SAFB: variants seen among roughly 807,000 people sequenced by gnomAD.
SAFB encodes scaffold attachment factor B, also known as scaffold attachment factor B1.
A neutral mutation model predicts 101.6 loss-of-function variants in SAFB; 15 were observed. The ratio of observed to expected loss-of-function variants is 0.15; its 90% CI spans 0.10 to 0.23. SAFB has a LOEUF of 0.23. Among genes scored for constraint, SAFB ranks in the 10% least tolerant of loss-of-function variants. The probability of loss-of-function intolerance (pLI) is 1.00; values close to 1 mark genes in which losing one functional copy is unlikely to be tolerated. For synonymous variants in SAFB, 449 were observed against 407.5 expected (o/e 1.10, Z -1.23); for missense variants, 930 against 1,104.1 (o/e 0.84, Z 2.23).
Position 5,654,242 on chromosome 19 carries a change from TG to T in SAFB, c.1666+43del. On this transcript the variant is annotated intron_variant, in intron 12 of 20. Coordinates refer to ENST00000588852, the MANE Select transcript of SAFB (RefSeq NM_001201338.2). The stretch of plus-strand genomic sequence containing the variant: ...CCCAGGAGATTCTGTCTTGTTTCTG[TG>T]CCTAGTGGAGTTTGTTAGTTTGCTG... 1.9e-6 allele frequency: 3 copies of T among 1,609,664 alleles called. No homozygotes were observed. In the South Asian group the frequency reaches 3.3e-5, roughly 18 times the overall value.
chr19:5,637,126 C>T (rs1381864874), intron 2 of SAFB, among the ~76,000 whole-genome samples: 1 of 150,684 alleles, frequency 6.6e-6, no homozygotes, highest in Admixed American at 6.6e-5. Flanking sequence ...GGGTGGATCA[C>T]GAGGTCAGGA....
At chr19:5,624,135 T>C (rs897391461) in intron 1 of SAFB, 4 of 150,128 alleles carry the variant, frequency 2.7e-5, no homozygotes, top group African/African-American at 9.8e-5. Flanking sequence ...TCCGTCAGTC[T>C]CTCTGGACTT....
intron 17 of SAFB, chr19:5,665,056 G>C (rs1007262787): frequency 3.3e-5 from 5 of 152,862 alleles, no homozygotes; most frequent in African/African-American, 1.2e-4. Context: ...CTGTGTGGAA[G>C]ATGCCTCCTC....
In SAFB at chr19:5,667,426, G is replaced by A; in HGVS notation, c.2533G>A (p.Asp845Asn). ...GGGCACGGCCGACGGGGGCATGATG[G>A]ACAGGGATCACAAGAGGTGGCAAGG... is the stretch of plus-strand genomic sequence containing the variant. The part of the protein sequence containing the change: ...WQGTADGGMM[D>N]RDHKRWQGGE... The change falls in exon 19 of 21, where the codon GAC becomes AAC. Residue 845 changes from aspartate (D) to asparagine (N), a missense_variant. Transcript: ENST00000588852. This position sits in a 1 kb window ranked among gnomAD's most constrained non-coding sequence, Gnocchi z 4.0. The A allele has an allele frequency of 6.6e-7, 1 of 1,519,722 alleles. No individual in the cohort carries two copies. Among genetic ancestry groups the A allele is most frequent in the Non-Finnish European group, 8.8e-7 (1 of 1,139,018 alleles). The allele number at this position is 1,519,722 out of a possible 1,614,324, so 94.1% of individuals were successfully genotyped here.
Position 5,654,355 on chromosome 19 carries a change from G to A in SAFB, c.1667-13G>A, listed in dbSNP as rs892797357. 2.1e-5 allele frequency: 34 copies of A among 1,604,968 alleles called. No homozygotes were observed. Among genetic ancestry groups the A allele is most frequent in the Middle Eastern group, 1.7e-4 (1 of 6,054 alleles). On this transcript the variant is annotated splice_polypyrimidine_tract_variant and intron_variant, in intron 12 of 20. Coordinates refer to ENST00000588852, the MANE Select transcript of SAFB (RefSeq NM_001201338.2). The stretch of plus-strand genomic sequence containing the variant: ...TTGGTTTTCCACTTACACTTTCCCC[G>A]TCTTTTCTGTAGGAAGTCGAGGGAC...
chr19:5,651,102 A>G lies in SAFB; in HGVS notation c.1293+30A>G, dbSNP rs756430982. The G allele has an allele frequency of 2.1e-6, 3 of 1,432,434 alleles. No homozygotes were observed. In the South Asian group the frequency reaches 3.6e-5, roughly 17 times the overall value. The allele number at this position is 1,432,434 out of a possible 1,614,324, so 88.7% of individuals were successfully genotyped here. ...GTGCCAGAGCTTTTCTGGAGAAGATACTTTGAAACCAGCGTTGTGTGGCCT... is the reference window on the plus strand; with the variant it reads ...GTGCCAGAGCTTTTCTGGAGAAGATGCTTTGAAACCAGCGTTGTGTGGCCT... On this transcript the variant is annotated intron_variant, in intron 9 of 20. Transcript: ENST00000588852.
At chr19:5,654,578 T>G (rs1599367264) in intron 13 of SAFB, 122 bp downstream of exon 13, 1 of 728,640 alleles carries the variant, frequency 1.4e-6, no homozygotes, top group East Asian at 2.5e-5. Flanking sequence ...TTCGAAAATG[T>G]AGAAATCTCA....
At chr19:5,660,342 C>CTTTTTTTTTTTTTTTT (rs11360129) in intron 14 of SAFB, among the ~76,000 whole-genome samples, 1 of 50,904 alleles carries the variant, frequency 2.0e-5, no homozygotes, top group Non-Finnish European at 3.5e-5. Context: ...CTGCACACAC[C>CTTTTTTTTTTTTTTTT]TTTTTTTTTT....
Position 5,657,254 on chromosome 19 carries a change from A to G in SAFB, c.1769A>G (p.Gln590Arg), listed in dbSNP as rs768912320. Reference sequence around the variant, plus strand: ...TTGGTGAACTAGGCTTCCAAAAGCCAGGATCGCAAATCAGCCAGCAGAGAG... The same window carrying G: ...TTGGTGAACTAGGCTTCCAAAAGCCGGGATCGCAAATCAGCCAGCAGAGAG... ...SGSKERASKS[Q>R]DRKSASREKR... is the part of the protein sequence containing the mutation. Residue 590 changes from glutamine (Q) to arginine (R), a missense_variant, in exon 14 of 21, where the codon CAG becomes CGG. Physicochemically the swap from Gln to Arg is conservative, Grantham distance 43 (BLOSUM62 1). Coordinates refer to ENST00000588852, the MANE Select transcript of SAFB (RefSeq NM_001201338.2). The G allele has an allele frequency of 6.2e-7, 1 of 1,613,936 alleles. No homozygotes were observed. Among genetic ancestry groups the G allele is most frequent in the Admixed American group, 1.7e-5 (1 of 60,014 alleles).
chr19:5,655,296 AG>A (rs1461235206), intron 13 of SAFB, among the ~76,000 whole-genome samples: 1 of 151,980 alleles, frequency 6.6e-6, no homozygotes, highest in Non-Finnish European at 1.5e-5. Flanking sequence ...CATCTTCACA[AG>A]AAATTTAAAA....
intron 14 of SAFB, among the ~76,000 whole-genome samples, chr19:5,660,228 C>T (rs370454000): frequency 6.6e-6 from 1 of 151,620 alleles, no homozygotes; most frequent in African/African-American, 2.4e-5. Flanking sequence ...TGTACATCCT[C>T]CTGTACACTT....
intron 2 of SAFB, among the ~76,000 whole-genome samples, chr19:5,638,443 C>G (rs993684857): frequency 2.0e-5 from 3 of 152,202 alleles, no homozygotes; most frequent in East Asian, 3.9e-4. Flanking sequence ...GTCAACCCCC[C>G]CACCGAGTAG....
chr19:5,661,800 C>G lies in SAFB; in HGVS notation c.2145C>G (p.Asp715Glu). ...ERRPAVRRPY[D>E]LDRRDDAYWP... is the part of the protein sequence containing the mutation. ...GGCCCGCGGTGCGGCGGCCCTACGACCTGGACCGGTAAGCAGATCCATGCT... is the reference window on the plus strand; with the variant it reads ...GGCCCGCGGTGCGGCGGCCCTACGAGCTGGACCGGTAAGCAGATCCATGCT... The change falls in exon 15 of 21, where the codon GAC becomes GAG. Residue 715 changes from aspartate (D) to glutamate (E), a missense_variant. Asp to Glu is a conservative substitution (Grantham distance 45). This residue lies in a region of SAFB where 318 missense variants were observed against 342.6 expected (regional missense o/e 0.93). Coordinates refer to ENST00000588852, the MANE Select transcript of SAFB (RefSeq NM_001201338.2). 2.6e-6 allele frequency: 4 copies of G among 1,545,132 alleles called. No individual in the cohort carries two copies. In the African/African-American group the frequency reaches 4.1e-5, roughly 16 times the overall value.
At position 5,636,290 on chromosome 19, in the gene SAFB, G is replaced by A. The variant is rs560952767; in HGVS notation, c.275-5304G>A. 3.9e-5 allele frequency among the ~76,000 whole-genome samples: 6 copies of A among 152,162 alleles called. 1 individual carries two copies. The highest frequency in any genetic ancestry group is 8.8e-5 in the Non-Finnish European group (6 of 67,954). ...TTTCCTATTATCTGGAATAGGATTGGACAGAAACCAACGTACGTATCATAG... is the reference window on the plus strand; with the variant it reads ...TTTCCTATTATCTGGAATAGGATTGAACAGAAACCAACGTACGTATCATAG... On this transcript the variant is annotated intron_variant, in intron 2 of 20. Transcript: ENST00000588852.
At chr19:5,645,607 T>C (rs2053811542) in intron 5 of SAFB, among the ~76,000 whole-genome samples, 1 of 152,202 alleles carries the variant, frequency 6.6e-6, no homozygotes, top group African/African-American at 2.4e-5. Flanking sequence ...CTTCGACGAG[T>C]GGCCTCCAAG....
chr19:5,640,932 CTT>C (rs60475807), intron 2 of SAFB, among the ~76,000 whole-genome samples: 8,643 of 138,170 alleles, frequency 0.063, 302 homozygotes, highest in Middle Eastern at 0.099. Flanking sequence ...TTTTGTTTTT[CTT>C]TTTTTTTTTT....
chr19:5,626,640 A>G lies in SAFB; in HGVS notation c.274+151A>G, dbSNP rs528569493. 6 of 587,990 alleles carry G rather than the reference A, an allele frequency of 1.0e-5. No homozygotes were observed. The South Asian group carries it at 1.2e-4, about 12-fold the overall frequency. The allele number at this position is 587,990 out of a possible 1,614,324, so 36.4% of individuals were successfully genotyped here. A position where few individuals can be genotyped will look rare whatever the true frequency, so the allele number is the denominator to read the frequency against. On this transcript the variant is annotated intron_variant, in intron 2 of 20. Transcript: ENST00000588852. The stretch of plus-strand genomic sequence containing the variant: ...GCGAAGCTTTGCATTTTCTTTCAAG[A>G]TCTCTCTACTGTGTTTTGTTTTCTT...
At chr19:5,629,728 G>A (rs1050873845) in intron 2 of SAFB, among the ~76,000 whole-genome samples, 1 of 152,230 alleles carries the variant, frequency 6.6e-6, no homozygotes, top group African/African-American at 2.4e-5. Flanking sequence ...TAGACTCCAA[G>A]GATATGGCCC....
chr19:5,655,523 C>G (rs1447402445), intron 13 of SAFB, among the ~76,000 whole-genome samples: 1 of 151,820 alleles, frequency 6.6e-6, no homozygotes, highest in East Asian at 1.9e-4. Flanking sequence ...CCGAGCCACC[C>G]TTACTGGTTA....
Sources: gnomAD v4.1 joint callset for allele counts (sites outside exome capture counted in the v4.1 genomes callset) on GRCh38, gnomAD v4.1.1 for gene constraint, gnomAD v4.1.1 regional missense constraint, Gnocchi (gnomAD v3.1) non-coding constraint, MANE v1.5 for transcripts, NCBI Gene and HGNC (gene_info 2026-07-23, HGNC 2026-07-21) for gene names.